TAFA1: variants seen among roughly 807,000 people sequenced by gnomAD.
TAFA1 encodes the protein chemokine-like protein TAFA-1.
TAFA1 carries 4 observed loss-of-function variants against 18.5 expected under a neutral mutation model. The observed-to-expected ratio is 0.22, with a 90% CI of 0.11 to 0.49. The LOEUF (loss-of-function observed/expected upper bound fraction) is 0.49, where lower values mean the gene tolerates loss of function less well. TAFA1 is among the 20% of genes least tolerant of loss of function. The pLI, the probability that TAFA1 is intolerant of heterozygous loss-of-function variation, is 0.98. For synonymous variants in TAFA1, 56 were observed against 55.2 expected (o/e 1.01, Z -0.06); for missense variants, 147 against 169.0 (o/e 0.87, Z 0.72).
chr3:68,498,260 G>A (rs2072587315), intron 3 of TAFA1, among the ~76,000 whole-genome samples: 1 of 152,172 alleles, frequency 6.6e-6, no homozygotes, highest in African/African-American at 2.4e-5. Context: ...CACCTGGAAT[G>A]GAGAAAGTCC....
intron 2 of TAFA1, among the ~76,000 whole-genome samples, chr3:68,333,169 T>C (rs1395146836): frequency 3.3e-5 from 5 of 152,200 alleles, no homozygotes; most frequent in South Asian, 4.1e-4. Context: ...CTTAAAGGAA[T>C]ATAAATCATT....
intron 2 of TAFA1, among the ~76,000 whole-genome samples, chr3:68,109,341 C>A (rs1171650609): frequency 6.6e-5 from 10 of 152,074 alleles, no homozygotes; most frequent in Non-Finnish European, 1.3e-4. Context: ...AATGTGGCAT[C>A]ATTGTGCGAC....
intron 3 of TAFA1, among the ~76,000 whole-genome samples, chr3:68,440,969 T>C (rs1451385108): frequency 6.6e-6 from 1 of 152,160 alleles, no homozygotes; most frequent in Non-Finnish European, 1.5e-5. Context: ...CCTCTGGAAC[T>C]ATATCTGACT....
chr3:68,066,135 C>T (rs1225088586), intron 2 of TAFA1, among the ~76,000 whole-genome samples: 1 of 152,038 alleles, frequency 6.6e-6, no homozygotes, highest in Non-Finnish European at 1.5e-5. Context: ...GATGGTTTCA[C>T]AGGTGAATGC....
At chr3:68,328,696 G>A (rs2068813746) in intron 2 of TAFA1, among the ~76,000 whole-genome samples, 1 of 152,102 alleles carries the variant, frequency 6.6e-6, no homozygotes, top group African/African-American at 2.4e-5. Flanking sequence ...CAACTCACAA[G>A]TGGCACTTAT....
chr3:68,113,283 C>T (rs1348425073), intron 2 of TAFA1, among the ~76,000 whole-genome samples: 1 of 152,142 alleles, frequency 6.6e-6, no homozygotes, highest in Admixed American at 6.5e-5. Flanking sequence ...ACACTTGATT[C>T]AAGAGAAAGG....
At chr3:68,330,456 C>A (rs1002303613) in intron 2 of TAFA1, among the ~76,000 whole-genome samples, 4 of 152,148 alleles carry the variant, frequency 2.6e-5, no homozygotes, top group African/African-American at 4.8e-5. Flanking sequence ...TATACCAGGT[C>A]CCCTTCATAT....
intron 2 of TAFA1, among the ~76,000 whole-genome samples, chr3:68,383,845 T>A (rs746248546): frequency 2.4e-4 from 36 of 152,086 alleles, no homozygotes; most frequent in Admixed American, 8.5e-4. Context: ...AATTACTGAT[T>A]TAATTCAGAG....
intron 2 of TAFA1, among the ~76,000 whole-genome samples, chr3:68,177,698 GA>G (rs1196765096): frequency 7.2e-5 from 11 of 152,286 alleles, no homozygotes; most frequent in Admixed American, 7.2e-4. Flanking sequence ...AAGTCTTGAG[GA>G]AGACAGAACC....
chr3:68,027,859 A>G (rs1704848832), intron 2 of TAFA1, among the ~76,000 whole-genome samples: 3 of 152,192 alleles, frequency 2.0e-5, no homozygotes, highest in Admixed American at 2.0e-4. Context: ...TAATTCCCAA[A>G]CATGAATTGA....
intron 3 of TAFA1, among the ~76,000 whole-genome samples, chr3:68,536,419 T>C (rs182718298): frequency 7.8e-4 from 119 of 152,254 alleles, no homozygotes; most frequent in African/African-American, 2.7e-3. Flanking sequence ...TTAAAGATCA[T>C]GGTGGAGAGC....
At chr3:68,322,184 T>C (rs897825816) in intron 2 of TAFA1, among the ~76,000 whole-genome samples, 3 of 152,254 alleles carry the variant, frequency 2.0e-5, no homozygotes, top group Non-Finnish European at 2.9e-5. Context: ...TCTCTGATCT[T>C]ATATTATAGA....
chr3:68,058,535 T>C (rs1272146976), intron 2 of TAFA1, among the ~76,000 whole-genome samples: 1 of 152,210 alleles, frequency 6.6e-6, no homozygotes, highest in Non-Finnish European at 1.5e-5. Context: ...GGATAATGAA[T>C]GTTCACAAGA....
At chr3:68,044,919 C>T (rs991203126) in intron 2 of TAFA1, among the ~76,000 whole-genome samples, 1 of 152,182 alleles carries the variant, frequency 6.6e-6, no homozygotes, top group Non-Finnish European at 1.5e-5. Flanking sequence ...ACATGTTCAT[C>T]GTAATTGTAT....
At chr3:68,386,406 G>GT (rs1048618815) in intron 2 of TAFA1, among the ~76,000 whole-genome samples, 7 of 151,712 alleles carry the variant, frequency 4.6e-5, no homozygotes, top group African/African-American at 1.5e-4. Context: ...TTTTTTGTTT[G>GT]TTTTTTTAGT....
At chr3:68,298,630 T>G (rs74921249) in intron 2 of TAFA1, among the ~76,000 whole-genome samples, 4,896 of 152,300 alleles carry the variant, frequency 0.032, 101 homozygotes, top group Non-Finnish European at 0.053. Flanking sequence ...TGTTTTCCCC[T>G]GTGCTCTTCT....
At chr3:68,019,850 C>G (rs940315146) in intron 2 of TAFA1, among the ~76,000 whole-genome samples, 2 of 152,206 alleles carry the variant, frequency 1.3e-5, no homozygotes, top group South Asian at 2.1e-4. Flanking sequence ...TCCTGACACA[C>G]AGCCCATTCT....
chr3:68,414,213 A>G (rs1420490945), intron 2 of TAFA1, among the ~76,000 whole-genome samples: 1 of 152,162 alleles, frequency 6.6e-6, no homozygotes, highest in Admixed American at 6.5e-5. Flanking sequence ...AGGCTGAGGC[A>G]AGAGAATCAC....
At chr3:68,295,971 T>A (rs563367763) in intron 2 of TAFA1, among the ~76,000 whole-genome samples, 4 of 152,334 alleles carry the variant, frequency 2.6e-5, no homozygotes, top group Admixed American at 2.6e-4. Context: ...TAAAAATCAG[T>A]GTAGATGAAA....
Sources: allele counts gnomAD v4.1 joint callset (sites outside exome capture counted in the v4.1 genomes callset), GRCh38; gene constraint gnomAD v4.1.1; transcripts MANE v1.5; gene names NCBI Gene and HGNC (gene_info 2026-07-23, HGNC 2026-07-21).